PLXDC1: variants seen among roughly 807,000 people sequenced by gnomAD.
PLXDC1 encodes the protein plexin domain-containing protein 1.
In PLXDC1, 39 loss-of-function variants were observed where a neutral mutation model predicts 61.3. The observed-to-expected ratio is 0.64, with a 90% CI of 0.49 to 0.83. The LOEUF is 0.83. Ranked by LOEUF, PLXDC1 falls within the 40% of genes least tolerant of loss-of-function variation. The pLI is 0.00. For missense variants in PLXDC1, 596 were observed against 666.5 expected (o/e 0.89, Z 1.17); for synonymous variants, 212 against 254.5 (o/e 0.83, Z 1.59).
At chr17:39,091,325 T>C (rs1411755873) in intron 7 of PLXDC1, among the ~76,000 whole-genome samples, 1 of 46,788 alleles carries the variant, frequency 2.1e-5, no homozygotes, top group African/African-American at 6.4e-5. Flanking sequence ...ACACACCCAC[T>C]GACTCCCATG....
chr17:39,101,177 T>A (rs1377390401), intron 7 of PLXDC1, among the ~76,000 whole-genome samples: 1 of 152,232 alleles, frequency 6.6e-6, no homozygotes, highest in Non-Finnish European at 1.5e-5. Context: ...AAAACAGCTC[T>A]ACTAGCTTAA....
intron 1 of PLXDC1, among the ~76,000 whole-genome samples, chr17:39,147,868 A>G (rs562417978): frequency 6.6e-6 from 1 of 152,312 alleles, no homozygotes; most frequent in East Asian, 1.9e-4. Flanking sequence ...GTACCCAGGA[A>G]GAGTCTAGTT....
At position 39,126,673 on chromosome 17, in the gene PLXDC1, G is replaced by A. The variant is rs757073873; in HGVS notation, c.255+12981C>T. On this transcript the variant is annotated intron_variant, in intron 2 of 13. Coordinates refer to ENST00000315392, the MANE Select transcript of PLXDC1 (RefSeq NM_020405.5). ...CTCAGAGCCCATTCTATCACAGGGC[G>A]CACTCACACATATTCACGCTCACTC... Among the ~76,000 whole-genome samples the A allele has an allele frequency of 7.9e-5, 12 of 152,088 alleles. 1 individual carries two copies. In the South Asian group the frequency reaches 1.2e-3, roughly 16 times the overall value.
chr17:39,066,352 C>T lies in PLXDC1; in HGVS notation c.*1488G>A, dbSNP rs1908897656. On this transcript the variant is annotated 3_prime_UTR_variant, in exon 14 of 14. Coordinates refer to ENST00000315392, the MANE Select transcript of PLXDC1 (RefSeq NM_020405.5). ...ATGCAGGCTGTAACATGTTTTGATG[C>T]AGAAGTTATTGGTTCTGAGTAGAAA... 6.6e-6 allele frequency: 1 copy of T among 152,228 alleles called. No homozygotes were observed. The highest frequency in any genetic ancestry group is 1.5e-5 in the Non-Finnish European group (1 of 68,046). 9.4% of individuals were successfully genotyped at this position (152,228 alleles called of 1,614,324 possible).
intron 7 of PLXDC1, among the ~76,000 whole-genome samples, chr17:39,091,567 C>G (rs372266714): frequency 3.3e-4 from 50 of 152,250 alleles, no homozygotes; most frequent in African/African-American, 1.2e-3. Context: ...GATGAGGAGT[C>G]CAGGTGGTCC....
intron 1 of PLXDC1, among the ~76,000 whole-genome samples, chr17:39,149,877 G>A (rs979094088): frequency 6.6e-6 from 1 of 152,022 alleles, no homozygotes; most frequent in South Asian, 2.1e-4. Flanking sequence ...GGATTCAAAG[G>A]AGCCCAGAAA....
intron 2 of PLXDC1, among the ~76,000 whole-genome samples, chr17:39,115,296 C>T (rs1397198947): frequency 6.6e-6 from 1 of 152,244 alleles, no homozygotes; most frequent in African/African-American, 2.4e-5. Flanking sequence ...TCCAATGAGT[C>T]AGCAGATCCC....
intron 2 of PLXDC1, among the ~76,000 whole-genome samples, chr17:39,127,799 C>CA (rs1406637906): frequency 2.6e-5 from 4 of 151,372 alleles, no homozygotes; most frequent in South Asian, 2.1e-4. Context: ...ACTAAAAATA[C>CA]AAAAAATTAG....
At chr17:39,086,459 G>A (rs1909743467) in intron 8 of PLXDC1, among the ~76,000 whole-genome samples, 1 of 152,106 alleles carries the variant, frequency 6.6e-6, no homozygotes, top group Non-Finnish European at 1.5e-5. Flanking sequence ...CTGCTCTCAG[G>A]ACCTCCAAGG....
intron 13 of PLXDC1, among the ~76,000 whole-genome samples, chr17:39,068,199 T>C (rs1405022385): frequency 6.6e-6 from 1 of 152,196 alleles, no homozygotes; most frequent in African/African-American, 2.4e-5. Context: ...CACTTTATCC[T>C]TCACTGTGTG....
intron 7 of PLXDC1, among the ~76,000 whole-genome samples, chr17:39,101,044 T>A (rs1910402527): frequency 6.6e-6 from 1 of 152,166 alleles, no homozygotes; most frequent in Non-Finnish European, 1.5e-5. Context: ...TAAGGTGATA[T>A]CCACAGGGCC....
intron 7 of PLXDC1, among the ~76,000 whole-genome samples, chr17:39,103,384 A>C (rs753407825): frequency 1.3e-5 from 2 of 152,038 alleles, no homozygotes; most frequent in Non-Finnish European, 2.9e-5. Flanking sequence ...TCCAAAAAAA[A>C]ATTTAAAAAT....
At chr17:39,077,082 G>A (rs1477997115) in intron 11 of PLXDC1, among the ~76,000 whole-genome samples, 2 of 151,918 alleles carry the variant, frequency 1.3e-5, no homozygotes, top group African/African-American at 4.8e-5. Context: ...TGGTCAGGCT[G>A]GTCTCAAACC....
rs1597654766 is a variant in PLXDC1, at chr17:39,126,028, C to T, written c.255+13626G>A. 2.0e-5 allele frequency among the ~76,000 whole-genome samples: 3 copies of T among 152,094 alleles called. 1 individual carries two copies. The highest frequency in any genetic ancestry group is 2.0e-4 in the Admixed American group (3 of 15,252). Reference sequence around the variant, plus strand: ...CAGCACTTTGGGAGGCTGAGGCAGGCGGATCATCTGAGGTCAGGAGTTCGA... The same window carrying T: ...CAGCACTTTGGGAGGCTGAGGCAGGTGGATCATCTGAGGTCAGGAGTTCGA... On this transcript the variant is annotated intron_variant, in intron 2 of 13. Transcript: ENST00000315392.
At chr17:39,129,688 A>AAAGAAAGAAAGAAAGAAGG (rs1462913519) in intron 2 of PLXDC1, among the ~76,000 whole-genome samples, 1 of 65,024 alleles carries the variant, frequency 1.5e-5, no homozygotes, top group African/African-American at 8.0e-5. Context: ...AGGGAGAAAG[A>AAAGAAAGAAAGAAAGAAGG]AAAGAAAGAA....
intron 1 of PLXDC1, among the ~76,000 whole-genome samples, chr17:39,143,125 G>A (rs1221152158): frequency 2.0e-5 from 3 of 152,116 alleles, no homozygotes; most frequent in African/African-American, 4.8e-5. Context: ...ACAAAAAAGC[G>A]AAACTCCTTC....
intron 2 of PLXDC1, among the ~76,000 whole-genome samples, chr17:39,115,663 A>G (rs542415690): frequency 6.6e-6 from 1 of 152,274 alleles, no homozygotes; most frequent in Admixed American, 6.5e-5. Flanking sequence ...CCTGCAGGGG[A>G]GCATTTGGGA....
intron 9 of PLXDC1, 100 bp downstream of exon 9, chr17:39,083,359 G>A: frequency 1.2e-6 from 1 of 846,260 alleles, no homozygotes; most frequent in Non-Finnish European, 2.0e-6. Context: ...ATACTCTCAT[G>A]TTGGCTGACT....
intron 7 of PLXDC1, among the ~76,000 whole-genome samples, chr17:39,099,522 C>T (rs1255862722): frequency 1.3e-5 from 2 of 151,960 alleles, no homozygotes; most frequent in East Asian, 1.9e-4. Context: ...CAAGAAGCAG[C>T]CTGGGGAGTT....
Sources: gnomAD v4.1 joint callset for allele counts (sites outside exome capture counted in the v4.1 genomes callset) on GRCh38, gnomAD v4.1.1 for gene constraint, MANE v1.5 for transcripts, NCBI Gene and HGNC (gene_info 2026-07-23, HGNC 2026-07-21) for gene names.